Variants in RANBP2 observed in about 807,000 individuals in gnomAD.
The protein encoded by RANBP2 is E3 SUMO-protein ligase RanBP2.
A neutral mutation model predicts 303.6 loss-of-function variants in RANBP2; 57 were observed. The observed-to-expected ratio is 0.19, with a 90% CI of 0.15 to 0.23. The LOEUF (loss-of-function observed/expected upper bound fraction) is 0.23. Among genes scored for constraint, RANBP2 ranks in the 10% least tolerant of loss-of-function variants. RANBP2 has a pLI of 1.00. For missense variants in RANBP2, 3,138 were observed against 3,780.8 expected, an observed-to-expected ratio of 0.83 and a Z score of 4.46; for synonymous variants, 1,167 against 1,301.5, an observed-to-expected ratio of 0.90 and a Z score of 2.23.
the RANBP2 span, among the ~76,000 whole-genome samples, chr2:109,490,206 C>G: frequency 4.6e-5 from 7 of 152,212 alleles, no homozygotes; most frequent in Admixed American, 6.5e-5. Context: ...CATGTAGGCA[C>G]CAGCCTTGGA....
the RANBP2 span, among the ~76,000 whole-genome samples, chr2:109,525,518 C>A: frequency 0.047 from 7,088 of 152,214 alleles, 551 homozygotes; most frequent in African/African-American, 0.16. Flanking sequence ...CAGGCCTACA[C>A]TCCCCGAGCT....
chr2:109,327,823 C>T, the RANBP2 span, among the ~76,000 whole-genome samples: 3 of 152,262 alleles, frequency 2.0e-5, no homozygotes, highest in African/African-American at 4.8e-5. Flanking sequence ...ATACCACTTC[C>T]CAGTGTTCCT....
At chr2:109,697,495 A>C in the RANBP2 span, among the ~76,000 whole-genome samples, 1 of 152,076 alleles carries the variant, frequency 6.6e-6, no homozygotes, top group Non-Finnish European at 1.5e-5. Flanking sequence ...TAAAAAAAAA[A>C]AAAAAAGAGG....
At chr2:108,946,925 G>A in the RANBP2 span, among the ~76,000 whole-genome samples, 1 of 151,770 alleles carries the variant, frequency 6.6e-6, no homozygotes, top group Non-Finnish European at 1.5e-5. Flanking sequence ...AACCAATCAT[G>A]CCTTCCCAAC....
the RANBP2 span, among the ~76,000 whole-genome samples, chr2:109,760,145 G>A: frequency 3.6e-5 from 5 of 139,298 alleles, no homozygotes; most frequent in African/African-American, 1.4e-4. Context: ...GTAGGCAGGA[G>A]GATGCGGGAA....
chr2:109,505,757 TCTA>T, the RANBP2 span, among the ~76,000 whole-genome samples: 1 of 152,176 alleles, frequency 6.6e-6, no homozygotes, highest in Non-Finnish European at 1.5e-5. Context: ...CAAACTCAAG[TCTA>T]CTTATCCAAT....
the RANBP2 span, among the ~76,000 whole-genome samples, chr2:108,965,253 G>A: frequency 3.3e-3 from 497 of 152,122 alleles, 3 homozygotes; most frequent in African/African-American, 0.01. Context: ...CGAGGCAGGC[G>A]GATCATGAGG....
At chr2:109,682,543 T>C in the RANBP2 span, among the ~76,000 whole-genome samples, 2 of 152,138 alleles carry the variant, frequency 1.3e-5, no homozygotes, top group Non-Finnish European at 2.9e-5. Flanking sequence ...GATCAGCAGA[T>C]GGTAGAAGAC....
the RANBP2 span, among the ~76,000 whole-genome samples, chr2:109,138,269 C>T: frequency 2.8e-4 from 43 of 152,290 alleles, no homozygotes; most frequent in Admixed American, 2.3e-3. Context: ...CCTCGTGATC[C>T]GCCCGCCTTG....
chr2:109,561,185 T>C, the RANBP2 span, among the ~76,000 whole-genome samples: 1 of 152,174 alleles, frequency 6.6e-6, no homozygotes, highest in Non-Finnish European at 1.5e-5. Flanking sequence ...TGTACTGCAG[T>C]GAACTGATCT....
At chr2:109,282,576 T>C in the RANBP2 span, among the ~76,000 whole-genome samples, 1 of 152,114 alleles carries the variant, frequency 6.6e-6, no homozygotes, top group African/African-American at 2.4e-5. Flanking sequence ...CTGGGAACAC[T>C]GGCCAGGAGA....
At chr2:108,791,893 C>A in the RANBP2 span, 1 of 1,261,682 alleles carries the variant, frequency 7.9e-7, no homozygotes, top group East Asian at 2.6e-5. Context: ...CACTGGCCCC[C>A]AAGAGTTTGC....
At chr2:109,194,254 CAGGT>C in the RANBP2 span, among the ~76,000 whole-genome samples, 1 of 152,364 alleles carries the variant, frequency 6.6e-6, no homozygotes, top group East Asian at 1.9e-4. Context: ...CCTCATGACA[CAGGT>C]GGATTCGTAA....
the RANBP2 span, among the ~76,000 whole-genome samples, chr2:108,840,982 T>TTGTGTTTTTTGTGTG: frequency 6.6e-6 from 1 of 151,744 alleles, no homozygotes; most frequent in Admixed American, 6.6e-5. Flanking sequence ...TGGCTAATTT[T>TTGTGTTTTTTGTGTG]TGTGTTTTTT....
the RANBP2 span, among the ~76,000 whole-genome samples, chr2:109,481,526 C>G: frequency 6.6e-6 from 1 of 152,038 alleles, no homozygotes; most frequent in Non-Finnish European, 1.5e-5. Flanking sequence ...CGGGAAGTTT[C>G]CAGAAGGCTG....
the RANBP2 span, among the ~76,000 whole-genome samples, chr2:108,859,936 A>G: frequency 1.3e-5 from 2 of 152,140 alleles, no homozygotes; most frequent in Non-Finnish European, 2.9e-5. Context: ...ATCCTTGAGC[A>G]TGGAATGTTT....
the RANBP2 span, among the ~76,000 whole-genome samples, chr2:108,939,453 A>G: frequency 6.6e-6 from 1 of 152,178 alleles, no homozygotes; most frequent in Non-Finnish European, 1.5e-5. Context: ...GTATGTGAAA[A>G]TGGGTGCTAA....
chr2:109,683,951 AT>A, the RANBP2 span, among the ~76,000 whole-genome samples: 5 of 150,314 alleles, frequency 3.3e-5, no homozygotes, highest in African/African-American at 4.9e-5. Context: ...GCAAAACCCT[AT>A]TTTTTTTTTG....
At chr2:109,158,003 G>GGGCTCCTTGA in the RANBP2 span, among the ~76,000 whole-genome samples, 3 of 152,258 alleles carry the variant, frequency 2.0e-5, no homozygotes, top group Middle Eastern at 3.4e-3. Context: ...TTGAGCCCGT[G>GGGCTCCTTGA]GTATGTTCTA....
Sources: allele counts gnomAD v4.1 joint callset (sites outside exome capture counted in the v4.1 genomes callset), GRCh38; gene constraint gnomAD v4.1.1; transcripts MANE v1.5; gene names NCBI Gene and HGNC (gene_info 2026-07-23, HGNC 2026-07-21).